Variants in PHEX observed in about 807,000 individuals in gnomAD.
PHEX encodes phosphate-regulating neutral endopeptidase PHEX.
A neutral mutation model predicts 68.0 loss-of-function variants in PHEX; 16 were observed. That is an observed-to-expected ratio of 0.24 (90% CI 0.16 to 0.36). The LOEUF is 0.36. PHEX is among the 10% of genes least tolerant of loss of function. The pLI, the probability that PHEX is intolerant of heterozygous loss-of-function variation, is 1.00. For missense variants in PHEX, 480 were observed against 575.5 expected, an observed-to-expected ratio of 0.83 and a Z score of 1.70; for synonymous variants, 208 against 205.1, an observed-to-expected ratio of 1.01 and a Z score of -0.12.
intron 13 of PHEX, among the ~76,000 whole-genome samples, chrX:22,177,460 A>G (rs894277763): frequency 8.9e-6 from 1 of 111,769 alleles, no homozygotes; most frequent in Admixed American, 9.5e-5. Flanking sequence ...TTTACAATAA[A>G]TAGCTAGGTT....
rs147430384 is a variant in PHEX at position 22,094,090 on chromosome X, G to A, written c.840G>A (p.Lys280=). 97 of 1,093,772 alleles carry A rather than the reference G, an allele frequency of 8.9e-5. 1 individual carries two copies. In the African/African-American group the frequency reaches 1.2e-3, roughly 13 times the overall value. The allele number at this position is 1,093,772 out of a possible 1,213,427, so 90.1% of individuals were successfully genotyped here. A position where few individuals can be genotyped will look rare whatever the true frequency, so the allele number is the denominator to read the frequency against. The stretch of plus-strand genomic sequence containing the variant: ...AGTCAGTGCTCAGATTGGAAATTAA[G>A]ATAGCTGAGGTAAGTCTTCACTGAA... ...DMKSVLRLEI[K]IAEIMIPHEN... Residue 280 remains lysine, a synonymous_variant, in exon 7 of 22, where the codon AAG becomes AAA. Transcript: ENST00000379374.
chrX:22,209,289 G>A (rs749170211), intron 15 of PHEX, among the ~76,000 whole-genome samples: 11 of 111,163 alleles, frequency 9.9e-5, no homozygotes, highest in Non-Finnish European at 1.9e-4. Context: ...TTGTGGATAA[G>A]CAAATGCGAA....
At chrX:22,105,176 G>T (rs1930625759) in intron 9 of PHEX, among the ~76,000 whole-genome samples, 1 of 111,877 alleles carries the variant, frequency 8.9e-6, no homozygotes, top group Non-Finnish European at 1.9e-5. Flanking sequence ...CAGACTCTCG[G>T]GCTCTGCCCC....
At chrX:22,185,483 C>G (rs2285070) in intron 14 of PHEX, among the ~76,000 whole-genome samples, 3,216 of 111,486 alleles carry the variant, frequency 0.029, 122 homozygotes, top group East Asian at 0.19. Context: ...GTGGTAGGGA[C>G]TGTAGAAAAC....
intron 18 of PHEX, among the ~76,000 whole-genome samples, chrX:22,225,831 A>G (rs1326173023): frequency 8.9e-6 from 1 of 112,408 alleles, no homozygotes; most frequent in Non-Finnish European, 1.9e-5. Context: ...TAAAGTTTTG[A>G]GAAACAATCT....
intron 20 of PHEX, among the ~76,000 whole-genome samples, chrX:22,243,965 A>G (rs1057434879): frequency 4.5e-5 from 5 of 112,218 alleles, no homozygotes; most frequent in African/African-American, 1.3e-4. Flanking sequence ...TCACTCTACT[A>G]TAAAGACACC....
chrX:22,133,264 A>G (rs1003870988), intron 11 of PHEX, among the ~76,000 whole-genome samples: 1 of 111,205 alleles, frequency 9.0e-6, no homozygotes, highest in Non-Finnish European at 1.9e-5. Context: ...CAAGTGATCC[A>G]CCTGCCTTGG....
intron 20 of PHEX, among the ~76,000 whole-genome samples, chrX:22,235,585 C>T (rs1225238660): frequency 9.0e-6 from 1 of 111,172 alleles, no homozygotes; most frequent in Non-Finnish European, 1.9e-5. Context: ...TATAAGGGTA[C>T]TAATCCCATT....
At chrX:22,145,820 A>G (rs1438370020) in intron 12 of PHEX, among the ~76,000 whole-genome samples, 3 of 112,023 alleles carry the variant, frequency 2.7e-5, no homozygotes, top group South Asian at 7.4e-4. Context: ...TCCCTCATCA[A>G]CCACTTGATT....
Position 22,187,533 on chromosome X carries a change from T to C in PHEX, c.1587-2911T>C, listed in dbSNP as rs1304470452. ...TTGAGCCTACCTGAATAATCCAGGATAATCTCTCTATTTTAAGGTCCTTAA... is the reference window on the plus strand; with the variant it reads ...TTGAGCCTACCTGAATAATCCAGGACAATCTCTCTATTTTAAGGTCCTTAA... On this transcript the variant is annotated intron_variant, in intron 14 of 21. Transcript: ENST00000379374. Among the ~76,000 whole-genome samples the C allele has an allele frequency of 4.5e-5, 5 of 111,869 alleles. No homozygotes were observed. In the Admixed American group the frequency reaches 4.8e-4, roughly 11 times the overall value.
At chrX:22,185,340 T>C (rs1933994315) in intron 14 of PHEX, among the ~76,000 whole-genome samples, 1 of 112,341 alleles carries the variant, frequency 8.9e-6, no homozygotes, top group East Asian at 2.8e-4. Context: ...GTTCAGCACT[T>C]ACCATTTGGA....
chrX:22,154,352 G>T (rs1349724377), intron 12 of PHEX, among the ~76,000 whole-genome samples: 2 of 110,810 alleles, frequency 1.8e-5, no homozygotes, highest in African/African-American at 6.6e-5. Context: ...CTCAGAAGTG[G>T]GTCCAGAAGC....
chrX:22,188,559 T>C lies in PHEX; in HGVS notation c.1587-1885T>C, dbSNP rs746604088. Among the ~76,000 whole-genome samples the C allele has an allele frequency of 7.6e-4, 85 of 112,497 alleles. 1 individual carries two copies. Among genetic ancestry groups the C allele is most frequent in the Non-Finnish European group, 1.9e-4 (10 of 53,313 alleles). ...TTTAGAGATAAATGTTTGCAGGTGG[T>C]TTGATGATGGGGAAGCCCTAACTTT... is the stretch of plus-strand genomic sequence containing the variant. On this transcript the variant is annotated intron_variant, in intron 14 of 21. Coordinates refer to ENST00000379374, the MANE Select transcript of PHEX (RefSeq NM_000444.6).
chrX:22,153,668 C>T (rs931072245), intron 12 of PHEX, among the ~76,000 whole-genome samples: 7 of 111,705 alleles, frequency 6.3e-5, no homozygotes, highest in East Asian at 2.8e-4. Context: ...TACTGACACT[C>T]GTGCAGCAAT....
chrX:22,234,624 C>G (rs1602423404), intron 20 of PHEX, among the ~76,000 whole-genome samples: 1 of 109,964 alleles, frequency 9.1e-6, no homozygotes, highest in African/African-American at 3.3e-5. Flanking sequence ...CCCCCCCAAG[C>G]TCAAGTGTCC....
intron 5 of PHEX, among the ~76,000 whole-genome samples, chrX:22,084,924 C>CAAA (rs750534711): frequency 9.3e-6 from 1 of 107,087 alleles, no homozygotes; most frequent in African/African-American, 3.4e-5. Flanking sequence ...TGTTGATTTT[C>CAAA]AAAAAAAAAG....
chrX:22,177,356 T>G (rs1165322554), intron 13 of PHEX, among the ~76,000 whole-genome samples: 2 of 111,882 alleles, frequency 1.8e-5, no homozygotes, highest in Non-Finnish European at 3.8e-5. Context: ...CTTATTCAAA[T>G]GTGTATTTTT....
intron 17 of PHEX, among the ~76,000 whole-genome samples, chrX:22,220,014 T>TATGAC (rs1231905187): frequency 1.8e-5 from 2 of 112,458 alleles, no homozygotes; most frequent in Non-Finnish European, 3.8e-5. Context: ...AAAAGCAGAA[T>TATGAC]ATGACATAAA....
At position 22,248,007 on chromosome X, in the gene PHEX, T is replaced by G; in HGVS notation, c.*54T>G. 4.7e-6 allele frequency: 4 copies of G among 854,326 alleles called. No individual in the cohort carries two copies. Among genetic ancestry groups the G allele is most frequent in the Non-Finnish European group, 7.0e-6 (4 of 569,289 alleles). The allele number at this position is 854,326 out of a possible 1,213,427, so 70.4% of individuals were successfully genotyped here. Reference sequence around the variant, plus strand: ...ACAGTTGCACAGTGCCAGCGGAGGCTGCACTGAGCCTTCATCGCCCATTGC... The same window carrying G: ...ACAGTTGCACAGTGCCAGCGGAGGCGGCACTGAGCCTTCATCGCCCATTGC... On this transcript the variant is annotated 3_prime_UTR_variant, in exon 22 of 22. Coordinates refer to ENST00000379374, the MANE Select transcript of PHEX (RefSeq NM_000444.6).
Sources: gnomAD v4.1 joint callset for allele counts (sites outside exome capture counted in the v4.1 genomes callset) on GRCh38, gnomAD v4.1.1 for gene constraint, MANE v1.5 for transcripts, NCBI Gene and HGNC (gene_info 2026-07-23, HGNC 2026-07-21) for gene names.